Variants in ACSM5 observed in about 807,000 individuals in gnomAD.
ACSM5 encodes acyl-CoA synthetase medium chain family member 5.
In ACSM5, 56 loss-of-function variants were observed where a neutral mutation model predicts 71.6. That is an observed-to-expected ratio of 0.78 (90% CI 0.63 to 0.98). The LOEUF (loss-of-function observed/expected upper bound fraction) is 0.98. ACSM5 is among the 50% of genes least tolerant of loss of function. The probability of loss-of-function intolerance (pLI) is 0.00; values close to 1 mark genes in which losing one functional copy is unlikely to be tolerated. For missense variants in ACSM5, 723 were observed against 726.0 expected (o/e 1.00, Z 0.05); for synonymous variants, 285 against 281.5 (o/e 1.01, Z -0.12).
Position 20,415,406 on chromosome 16 carries a change from G to A in ACSM5, c.205-2653G>A, listed in dbSNP as rs1966854408. ...CCTTCAGCCATGGAGGCAGAAACCAGCAATAGAGATGGGATTATCTGGAAA... is the reference window on the plus strand; with the variant it reads ...CCTTCAGCCATGGAGGCAGAAACCAACAATAGAGATGGGATTATCTGGAAA... On this transcript the variant is annotated intron_variant, in intron 2 of 13. Transcript: ENST00000331849. Among the ~76,000 whole-genome samples the A allele has an allele frequency of 3.9e-5, 6 of 152,312 alleles. No individual in the cohort carries two copies. In the South Asian group the frequency reaches 1.2e-3, roughly 32 times the overall value.
intron 7 of ACSM5, among the ~76,000 whole-genome samples, chr16:20,429,204 G>C (rs542667390): frequency 6.6e-6 from 1 of 152,064 alleles, no homozygotes; most frequent in Non-Finnish European, 1.5e-5. Flanking sequence ...GTAGAGACGG[G>C]GTTTTACCAC....
intron 3 of ACSM5, 40 bp from the exon 4 acceptor site, chr16:20,419,187 TC>T: frequency 6.2e-7 from 1 of 1,606,426 alleles, no homozygotes; most frequent in East Asian, 2.2e-5. Flanking sequence ...CCCAAGGCCT[TC>T]CCCGCTATCC....
chr16:20,435,834 CAG>C (rs1304047291), intron 10 of ACSM5, among the ~76,000 whole-genome samples: 3 of 152,102 alleles, frequency 2.0e-5, no homozygotes, highest in Non-Finnish European at 4.4e-5. Context: ...CTTTGAGAAT[CAG>C]AGTTTCATTG....
Position 20,418,075 on chromosome 16 carries a change from C to G in ACSM5, c.221C>G (p.Pro74Arg), listed in dbSNP as rs141921213. ...SRLEEAGHRP[P>R]NPAFWWVNGT... The stretch of plus-strand genomic sequence containing the variant: ...ACCATCTAGGCTGGACACCGCCCCC[C>G]AAATCCTGCCTTCTGGTGGGTCAAT... The change falls in exon 3 of 14, where the codon CCA becomes CGA. Residue 74 changes from proline (P) to arginine (R), a missense_variant. Transcript: ENST00000331849. 1.8e-5 allele frequency: 29 copies of G among 1,613,740 alleles called. 1 individual carries two copies. In the African/African-American group the frequency reaches 2.9e-4, roughly 16 times the overall value.
chr16:20,436,114 C>CTT (rs772861871), intron 10 of ACSM5, among the ~76,000 whole-genome samples: 41 of 63,224 alleles, frequency 6.5e-4, no homozygotes, highest in Admixed American at 2.2e-3. Context: ...CTTTCTTTTT[C>CTT]TCTTTCTTTC....
rs769546454 is a variant in ACSM5 at position 20,437,164 on chromosome 16, T to A, written c.1421T>A (p.Val474Glu). Residue 474 changes from valine to glutamate, a missense_variant, in exon 11 of 14, where the codon GTG (valine) becomes GAG (glutamate). Transcript: ENST00000331849. The stretch of plus-strand genomic sequence containing the variant: ...TGGTTCATGGGAAGAAACGACGATG[T>A]GATCAATTCTTCAAGGTCAAGCTGT... ...YFWFMGRNDD[V>E]INSSSYRIGP... The A allele has an allele frequency of 2.6e-5, 42 of 1,614,086 alleles. No homozygotes were observed. Among genetic ancestry groups the A allele is most frequent in the Non-Finnish European group, 3.5e-5 (41 of 1,180,038 alleles).
Position 20,411,594 on chromosome 16 carries a change from C to T in ACSM5, c.110C>T (p.Ala37Val). The change falls in exon 2 of 14, where the codon GCC becomes GTC. Residue 37 changes from alanine to valine, a missense_variant. Transcript: ENST00000331849. Reference sequence around the variant, plus strand: ...CTACCTGTTCCTCAGAAGATCGTGGCCACCTGGGAAGCCATCAGCCTGGGA... The same window carrying T: ...CTACCTGTTCCTCAGAAGATCGTGGTCACCTGGGAAGCCATCAGCCTGGGA... ...APLPVPQKIV[A>V]TWEAISLGRQ... The T allele has an allele frequency of 1.2e-6, 2 of 1,614,174 alleles. No homozygotes were observed. Among genetic ancestry groups the T allele is most frequent in the Admixed American group, 1.7e-5 (1 of 60,026 alleles).
At chr16:20,413,020 C>T (rs867988467) in intron 2 of ACSM5, among the ~76,000 whole-genome samples, 4 of 152,150 alleles carry the variant, frequency 2.6e-5, no homozygotes, top group Non-Finnish European at 4.4e-5. Flanking sequence ...TGACCTTGGA[C>T]AAGTGCCCTA....
In ACSM5 at chr16:20,437,278, G is replaced by C. The variant is rs755334898; in HGVS notation, c.1447G>C (p.Gly483Arg). 1.2e-6 allele frequency: 2 copies of C among 1,614,134 alleles called. No homozygotes were observed. The highest frequency in any genetic ancestry group is 1.7e-6 in the Non-Finnish European group (2 of 1,180,026). ...GTTTTTCCCTTCCAGCTACCGGATC[G>C]GGCCTGTTGAAGTGGAAAGTGCCCT... is the stretch of plus-strand genomic sequence containing the variant. ...DVINSSSYRIGPVEVESALAE... is the reference protein window; with the variant it reads ...DVINSSSYRIRPVEVESALAE... The change falls in exon 12 of 14, where the codon GGG becomes CGG. Residue 483 changes from glycine (G) to arginine (R), a missense_variant. Physicochemically the swap from Gly to Arg is moderately radical, Grantham distance 125. Transcript: ENST00000331849.
Position 20,418,258 on chromosome 16 carries a change from G to A in ACSM5, c.404G>A (p.Cys135Tyr), listed in dbSNP as rs146077452. The change falls in exon 3 of 14, where the codon TGC becomes TAC. Residue 135 changes from cysteine (C) to tyrosine (Y), a missense_variant. Physicochemically the swap from Cys to Tyr is radical, Grantham distance 194. Coordinates refer to ENST00000331849, the MANE Select transcript of ACSM5 (RefSeq NM_017888.3). ...LPEWWLVSVACMRTGTVMIPG... is the reference protein window; with the variant it reads ...LPEWWLVSVAYMRTGTVMIPG... Reference sequence around the variant, plus strand: ...GAGTGGTGGCTGGTCAGTGTGGCTTGCATGCGGACAGGTCAGTAAGCAGGG... The same window carrying A: ...GAGTGGTGGCTGGTCAGTGTGGCTTACATGCGGACAGGTCAGTAAGCAGGG... 9.2e-5 allele frequency: 148 copies of A among 1,610,856 alleles called. No homozygotes were observed. In the African/African-American group the frequency reaches 1.8e-3, roughly 20 times the overall value.
At chr16:20,434,752 C>T (rs1967161529) in intron 10 of ACSM5, among the ~76,000 whole-genome samples, 1 of 152,182 alleles carries the variant, frequency 6.6e-6, no homozygotes. Flanking sequence ...TTGGCACTTT[C>T]TTGTATTTCC....
intron 6 of ACSM5, 110 bp downstream of exon 6, chr16:20,424,179 T>G: frequency 7.2e-7 from 1 of 1,383,708 alleles, no homozygotes; most frequent in Non-Finnish European, 9.7e-7. Flanking sequence ...ATTTAAGGCT[T>G]CTTTGGTGTG....
At chr16:20,420,338 C>T (rs541143573) in intron 4 of ACSM5, among the ~76,000 whole-genome samples, 15 of 152,180 alleles carry the variant, frequency 9.9e-5, no homozygotes, top group Non-Finnish European at 1.5e-4. Flanking sequence ...CCATGGCTCA[C>T]GCCTGTAATC....
At chr16:20,439,115 A>T (rs1967265062) in intron 12 of ACSM5, among the ~76,000 whole-genome samples, 1 of 148,908 alleles carries the variant, frequency 6.7e-6, no homozygotes. Flanking sequence ...CTACCCCTTT[A>T]ATAGAATACT....
intron 5 of ACSM5, among the ~76,000 whole-genome samples, chr16:20,422,218 T>C (rs1235277906): frequency 6.6e-6 from 1 of 152,148 alleles, no homozygotes; most frequent in Non-Finnish European, 1.5e-5. Context: ...TTCAAGCAAT[T>C]CTCCTGCCTC....
chr16:20,438,118 G>A lies in ACSM5; in HGVS notation c.1536+751G>A, dbSNP rs138604121. Among the ~76,000 whole-genome samples, 173 of 152,002 alleles carry A rather than the reference G, an allele frequency of 1.1e-3. 1 individual carries two copies. The highest frequency in any genetic ancestry group is 3.8e-3 in the African/African-American group (159 of 41,524). ...GCTGGGATTACAGGCGTGAGTCACC[G>A]TGCCCGGCTAGGAGAAATCTTTCTG... On this transcript the variant is annotated intron_variant, in intron 12 of 13. Coordinates refer to ENST00000331849, the MANE Select transcript of ACSM5 (RefSeq NM_017888.3).
chr16:20,434,417 G>C (rs1358871221), intron 10 of ACSM5, among the ~76,000 whole-genome samples: 2 of 152,218 alleles, frequency 1.3e-5, no homozygotes, highest in Admixed American at 1.3e-4. Flanking sequence ...ATATAGGCCA[G>C]GTGTGGTTGC....
intron 1 of ACSM5, among the ~76,000 whole-genome samples, chr16:20,410,579 T>TC (rs1340107577): frequency 3.9e-5 from 6 of 152,030 alleles, no homozygotes; most frequent in African/African-American, 1.4e-4. Flanking sequence ...AAAAACTTTT[T>TC]AAAAGTTAGC....
intron 12 of ACSM5, among the ~76,000 whole-genome samples, chr16:20,438,954 TAAAAAAAAA>T (rs1275195181): frequency 2.2e-5 from 2 of 92,684 alleles, no homozygotes; most frequent in East Asian, 3.7e-4. Flanking sequence ...GACTCTGTCT[TAAAAAAAAA>T]AAAAAAAAAA....
Sources: gnomAD v4.1 joint callset for allele counts (sites outside exome capture counted in the v4.1 genomes callset) on GRCh38, gnomAD v4.1.1 for gene constraint, MANE v1.5 for transcripts, NCBI Gene and HGNC (gene_info 2026-07-23, HGNC 2026-07-21) for gene names.